The following MECOM variants were observed in gnomAD, a reference collection of about 807,000 sequenced individuals.
MECOM encodes the protein histone-lysine N-methyltransferase MECOM.
A neutral mutation model predicts 116.3 loss-of-function variants in MECOM; 13 were observed. That is an observed-to-expected ratio of 0.11 (90% CI 0.07 to 0.18). MECOM has a LOEUF of 0.18. Ranked by LOEUF, MECOM falls within the 10% of genes least tolerant of loss-of-function variation. The pLI is 1.00. For synonymous variants in MECOM, 528 were observed against 535.2 expected, an observed-to-expected ratio of 0.99 and a Z score of 0.19; for missense variants, 1,299 against 1,509.0, an observed-to-expected ratio of 0.86 and a Z score of 2.31.
chr3:169,231,145 G>T (rs1048254384), intron 2 of MECOM, among the ~76,000 whole-genome samples: 1 of 152,022 alleles, frequency 6.6e-6, no homozygotes, highest in Non-Finnish European at 1.5e-5. Flanking sequence ...TACAATTGTA[G>T]TCTTTTTCTG....
At chr3:169,270,103 A>G (rs988126606) in intron 2 of MECOM, among the ~76,000 whole-genome samples, 64 of 152,268 alleles carry the variant, frequency 4.2e-4, no homozygotes, top group Non-Finnish European at 3.2e-4. Flanking sequence ...TCAACAAAAA[A>G]GGACAATGTA....
intron 2 of MECOM, among the ~76,000 whole-genome samples, chr3:169,370,280 T>C (rs1398410880): frequency 6.6e-6 from 1 of 151,972 alleles, no homozygotes; most frequent in African/African-American, 2.4e-5. Context: ...GAAAGGGTAG[T>C]CTCTTCAATA....
In MECOM at chr3:169,395,640, A is replaced by G. The variant is rs570307441; in HGVS notation, c.38-14116T>C. Among the ~76,000 whole-genome samples the G allele has an allele frequency of 1.5e-4, 23 of 152,326 alleles. No homozygotes were observed. The South Asian group carries it at 4.3e-3, about 29-fold the overall frequency. On this transcript the variant is annotated intron_variant, in intron 1 of 16. Coordinates refer to ENST00000651503, the MANE Select transcript of MECOM (RefSeq NM_004991.4). ...GTTTTTCTTTTAAAAGAAAAAAGGA[A>G]TAAAAAACAAACAAAAAGTCTCTAC...
intron 2 of MECOM, among the ~76,000 whole-genome samples, chr3:169,282,718 A>G (rs976102727): frequency 3.3e-5 from 5 of 152,180 alleles, no homozygotes; most frequent in Non-Finnish European, 5.9e-5. Context: ...AGCATTTATC[A>G]TCACATACCC....
chr3:169,159,742 G>T (rs909506769), intron 2 of MECOM, among the ~76,000 whole-genome samples: 6 of 152,142 alleles, frequency 3.9e-5, no homozygotes, highest in Non-Finnish European at 8.8e-5. Flanking sequence ...GTTTAGGATA[G>T]TGACTAACAA....
chr3:169,634,705 T>C (rs930744150), intron 1 of MECOM, among the ~76,000 whole-genome samples: 3 of 152,048 alleles, frequency 2.0e-5, no homozygotes, highest in African/African-American at 7.2e-5. Flanking sequence ...AAGCCAGAAT[T>C]TAACCTTATG....
chr3:169,274,381 G>A (rs539938360), intron 2 of MECOM, among the ~76,000 whole-genome samples: 1 of 152,282 alleles, frequency 6.6e-6, no homozygotes, highest in Admixed American at 6.5e-5. Context: ...TGTATATCAT[G>A]AACTAAGTAT....
At chr3:169,294,623 T>G (rs1715247188) in intron 2 of MECOM, among the ~76,000 whole-genome samples, 1 of 152,082 alleles carries the variant, frequency 6.6e-6, no homozygotes, top group Non-Finnish European at 1.5e-5. Flanking sequence ...AACAACCAAA[T>G]ACAGCTCAAG....
chr3:169,308,866 G>A (rs1403681664), intron 2 of MECOM, among the ~76,000 whole-genome samples: 1 of 152,170 alleles, frequency 6.6e-6, no homozygotes, highest in Non-Finnish European at 1.5e-5. Context: ...TCCTGAGTGT[G>A]ACTGTACATC....
Position 169,121,224 on chromosome 3 carries a change from G to T in MECOM, c.979-15C>A. 1 of 1,584,572 alleles carries T rather than the reference G, an allele frequency of 6.3e-7. No homozygotes were observed. Among genetic ancestry groups the T allele is most frequent in the Non-Finnish European group, 8.6e-7 (1 of 1,161,830 alleles). On this transcript the variant is annotated splice_polypyrimidine_tract_variant and intron_variant, in intron 6 of 16. Transcript: ENST00000651503. ...TCCGTGAAAACCTGCTAGGAAATGA[G>T]TACTGATTAATCAAGAAACTTAACT...
At chr3:169,416,943 T>C (rs1738730324) in intron 1 of MECOM, among the ~76,000 whole-genome samples, 1 of 152,162 alleles carries the variant, frequency 6.6e-6, no homozygotes, top group South Asian at 2.1e-4. Flanking sequence ...TTACACCTTA[T>C]ACAAAAATTA....
At chr3:169,582,235 A>T (rs1038522800) in intron 1 of MECOM, among the ~76,000 whole-genome samples, 9 of 152,154 alleles carry the variant, frequency 5.9e-5, no homozygotes, top group African/African-American at 2.2e-4. Flanking sequence ...GAAAATATCA[A>T]GCGAGAGTAG....
intron 1 of MECOM, among the ~76,000 whole-genome samples, chr3:169,577,087 G>A (rs1764605344): frequency 6.6e-6 from 1 of 152,154 alleles, no homozygotes; most frequent in South Asian, 2.1e-4. Context: ...CTTCTAAGCT[G>A]AGTGACTATA....
At chr3:169,359,002 A>C (rs893517366) in intron 2 of MECOM, among the ~76,000 whole-genome samples, 1 of 151,730 alleles carries the variant, frequency 6.6e-6, no homozygotes, top group Admixed American at 6.6e-5. Context: ...CTAATCCTCG[A>C]GCCTCATACC....
intron 2 of MECOM, chr3:169,145,533 G>GA (rs968626128): frequency 1.8e-4 from 40 of 222,710 alleles, no homozygotes; most frequent in Admixed American, 1.6e-3. Flanking sequence ...GCAAAAAAAA[G>GA]AAAAAAAAGA....
At chr3:169,127,707 G>T in intron 5 of MECOM, 137 bp downstream of exon 5, 1 of 666,976 alleles carries the variant, frequency 1.5e-6, no homozygotes, top group Non-Finnish European at 2.6e-6. Flanking sequence ...AGGCAAATAT[G>T]ATTTCTGAAC....
intron 1 of MECOM, among the ~76,000 whole-genome samples, chr3:169,490,904 T>C (rs1278711556): frequency 6.6e-6 from 1 of 152,182 alleles, no homozygotes; most frequent in Non-Finnish European, 1.5e-5. Flanking sequence ...AATGTTTTTT[T>C]GTAGTGACAG....
At chr3:169,152,365 T>A (rs1741302520) in intron 2 of MECOM, among the ~76,000 whole-genome samples, 1 of 152,178 alleles carries the variant, frequency 6.6e-6, no homozygotes, top group Non-Finnish European at 1.5e-5. Context: ...AGCATGTTAA[T>A]CTCCACCTCA....
chr3:169,573,240 G>C (rs1405013691), intron 1 of MECOM, among the ~76,000 whole-genome samples: 2 of 152,182 alleles, frequency 1.3e-5, no homozygotes, highest in Non-Finnish European at 2.9e-5. Context: ...AAAGGCGAAC[G>C]AATGAAACTT....
Sources: gnomAD v4.1 joint callset for allele counts (sites outside exome capture counted in the v4.1 genomes callset) on GRCh38, gnomAD v4.1.1 for gene constraint, MANE v1.5 for transcripts, NCBI Gene and HGNC (gene_info 2026-07-23, HGNC 2026-07-21) for gene names.